The following TAFA2 variants were observed in gnomAD, a reference collection of about 807,000 sequenced individuals.
The protein encoded by TAFA2 is chemokine-like protein TAFA-2.
TAFA2 carries 7 observed loss-of-function variants against 18.8 expected under a neutral mutation model. The observed-to-expected ratio is 0.37, with a 90% CI of 0.21 to 0.70. TAFA2 has a LOEUF of 0.70. Ranked by LOEUF, TAFA2 falls within the 30% of genes least tolerant of loss-of-function variation. The pLI, the probability that TAFA2 is intolerant of heterozygous loss-of-function variation, is 0.53. For synonymous variants in TAFA2, 60 were observed against 54.2 expected (o/e 1.11, Z -0.47); for missense variants, 122 against 158.1 (o/e 0.77, Z 1.23).
intron 1 of TAFA2, among the ~76,000 whole-genome samples, chr12:61,936,164 A>C (rs1877757369): frequency 6.6e-6 from 1 of 152,216 alleles, no homozygotes; most frequent in African/African-American, 2.4e-5. Flanking sequence ...GGAATACAGG[A>C]ATGGCTTAAC....
intron 1 of TAFA2, among the ~76,000 whole-genome samples, chr12:62,257,959 C>T (rs1360282711): frequency 3.9e-5 from 6 of 152,104 alleles, no homozygotes; most frequent in Non-Finnish European, 8.8e-5. Flanking sequence ...CAACTGAGAT[C>T]ACTAAAACGT....
chr12:61,721,307 A>G (rs918131277), intron 4 of TAFA2, among the ~76,000 whole-genome samples: 2 of 152,238 alleles, frequency 1.3e-5, no homozygotes, highest in African/African-American at 4.8e-5. Flanking sequence ...ATCTAAGCGC[A>G]AAGTGTAAAA....
chr12:61,916,100 T>C (rs1876811039), intron 1 of TAFA2, among the ~76,000 whole-genome samples: 1 of 152,220 alleles, frequency 6.6e-6, no homozygotes, highest in South Asian at 2.1e-4. Context: ...ATAAGAAATG[T>C]CATGAAGCCC....
At chr12:62,135,805 C>T (rs1434111191) in intron 1 of TAFA2, 1 of 151,966 alleles carries the variant, frequency 6.6e-6, no homozygotes, top group Non-Finnish European at 1.5e-5. Flanking sequence ...GAAAGCTTAC[C>T]TTTTGGCTGG....
intron 1 of TAFA2, among the ~76,000 whole-genome samples, chr12:62,060,862 A>C (rs970421269): frequency 6.6e-5 from 10 of 152,148 alleles, no homozygotes; most frequent in African/African-American, 2.4e-4. Context: ...AAGCTTATAG[A>C]ATAAGAATTA....
intron 1 of TAFA2, among the ~76,000 whole-genome samples, chr12:62,243,229 A>G (rs182193951): frequency 6.8e-4 from 103 of 152,338 alleles, no homozygotes; most frequent in Admixed American, 1.8e-3. Context: ...TTTGAATGTC[A>G]GGCTGCTCCA....
At chr12:62,164,056 G>C (rs2136933309) in intron 1 of TAFA2, among the ~76,000 whole-genome samples, 1 of 152,184 alleles carries the variant, frequency 6.6e-6, no homozygotes, top group East Asian at 1.9e-4. Flanking sequence ...GAATAGTCTT[G>C]TTTCAGGCAA....
rs34781688 is a variant in TAFA2 at position 62,233,066 on chromosome 12, C to CTTTTTTTTTTTTTTTTTTTTTTTT, written c.-130+25673_-130+25696dup. Among the ~76,000 whole-genome samples the CTTTTTTTTTTTTTTTTTTTTTTTT allele has an allele frequency of 7.6e-5, 3 of 39,534 alleles. 1 individual carries two copies. Among genetic ancestry groups the CTTTTTTTTTTTTTTTTTTTTTTTT allele is most frequent in the Non-Finnish European group, 1.4e-4 (3 of 22,064 alleles). The allele number at this position is 39,534 out of a possible 152,430, so 25.9% of individuals were successfully genotyped here. A position where few individuals can be genotyped will look rare whatever the true frequency, so the allele number is the denominator to read the frequency against. On this transcript the variant is annotated intron_variant, in intron 1 of 5. Transcript: ENST00000551619. ...TGTCCTCCCAGCAATTTCTGCATCTCTTTTTTTTTTTTTTTTTTTTTTTTT... is the reference window on the plus strand; with the variant it reads ...TGTCCTCCCAGCAATTTCTGCATCTCTTTTTTTTTTTTTTTTTTTTTTTTTTTTTTTTTTTTTTTTTTTTTTTTT...
chr12:61,720,654 T>A (rs1191977048), intron 4 of TAFA2: 1 of 271,566 alleles, frequency 3.7e-6, no homozygotes. Context: ...AAAGAATAGG[T>A]CACAGTTAAT....
intron 1 of TAFA2, among the ~76,000 whole-genome samples, chr12:62,232,178 A>G (rs1244013979): frequency 6.6e-6 from 1 of 152,158 alleles, no homozygotes; most frequent in East Asian, 1.9e-4. Flanking sequence ...CAAGCCAGAA[A>G]CCTGGAGGTC....
intron 1 of TAFA2, among the ~76,000 whole-genome samples, chr12:61,937,374 T>C (rs962152223): frequency 3.9e-5 from 6 of 152,114 alleles, no homozygotes; most frequent in Non-Finnish European, 7.4e-5. Context: ...AGAACAAATC[T>C]GGAGGCATCA....
intron 4 of TAFA2, among the ~76,000 whole-genome samples, chr12:61,751,926 A>G (rs1245474186): frequency 6.6e-6 from 1 of 151,996 alleles, no homozygotes; most frequent in African/African-American, 2.4e-5. Context: ...AATGATCCAG[A>G]AAGTTAGAGA....
At chr12:62,143,287 C>T (rs1007740212) in intron 1 of TAFA2, among the ~76,000 whole-genome samples, 4 of 152,142 alleles carry the variant, frequency 2.6e-5, no homozygotes, top group African/African-American at 7.2e-5. Flanking sequence ...GAAGAATCCC[C>T]CATGGATGAG....
intron 2 of TAFA2, among the ~76,000 whole-genome samples, chr12:61,808,779 T>G (rs1257855605): frequency 6.6e-6 from 1 of 151,500 alleles, no homozygotes; most frequent in Non-Finnish European, 1.5e-5. Flanking sequence ...GTTGTCACAG[T>G]AGCCTTATAT....
chr12:62,040,917 G>T (rs1254030215), intron 1 of TAFA2, among the ~76,000 whole-genome samples: 1 of 152,068 alleles, frequency 6.6e-6, no homozygotes, highest in Non-Finnish European at 1.5e-5. Context: ...CTGGTCAAAA[G>T]AACAACTTCA....
At chr12:62,177,010 C>G (rs1433874918) in intron 1 of TAFA2, among the ~76,000 whole-genome samples, 1 of 152,246 alleles carries the variant, frequency 6.6e-6, no homozygotes, top group African/African-American at 2.4e-5. Flanking sequence ...GTCCCTTACT[C>G]TTGAATTGCT....
At chr12:61,739,698 C>A (rs914239485) in intron 4 of TAFA2, among the ~76,000 whole-genome samples, 1 of 151,992 alleles carries the variant, frequency 6.6e-6, no homozygotes, top group African/African-American at 2.4e-5. Flanking sequence ...AATCTGGAGG[C>A]AGAGTGCTCT....
intron 1 of TAFA2, among the ~76,000 whole-genome samples, chr12:62,075,275 T>C (rs905406607): frequency 2.6e-5 from 4 of 152,214 alleles, no homozygotes; most frequent in African/African-American, 9.6e-5. Context: ...GTGTCCATCA[T>C]GGTGGACATA....
intron 2 of TAFA2, among the ~76,000 whole-genome samples, chr12:61,822,833 A>G (rs981448640): frequency 7.2e-5 from 11 of 152,188 alleles, no homozygotes; most frequent in Non-Finnish European, 1.6e-4. Context: ...TAAGTAAATG[A>G]ATGAGTGATT....
Sources: gnomAD v4.1 joint callset for allele counts (sites outside exome capture counted in the v4.1 genomes callset) on GRCh38, gnomAD v4.1.1 for gene constraint, MANE v1.5 for transcripts, NCBI Gene and HGNC (gene_info 2026-07-23, HGNC 2026-07-21) for gene names.